The following TRAPPC8 variants were observed in gnomAD, a reference collection of about 807,000 sequenced individuals.
The protein encoded by TRAPPC8 is general sporulation gene 1 homolog.
TRAPPC8 carries 54 observed loss-of-function variants against 174.3 expected under a neutral mutation model. That is an observed-to-expected ratio of 0.31 (90% confidence interval 0.25 to 0.39). The LOEUF (loss-of-function observed/expected upper bound fraction) is 0.39. Among genes scored for constraint, TRAPPC8 ranks in the 10% least tolerant of loss-of-function variants. The probability of loss-of-function intolerance (pLI) is 1.00; values close to 1 mark genes in which losing one functional copy is unlikely to be tolerated. For synonymous variants in TRAPPC8, 630 were observed against 579.9 expected (o/e 1.09, Z -1.24); for missense variants, 1,531 against 1,699.1 (o/e 0.90, Z 1.74).
intron 25 of TRAPPC8, among the ~76,000 whole-genome samples, chr18:31,849,190 A>G (rs2033573083): frequency 1.3e-5 from 2 of 152,186 alleles, no homozygotes; most frequent in African/African-American, 4.8e-5. Context: ...TAAATGGATT[A>G]TATGAAATAT....
At chr18:31,925,188 G>A in intron 2 of TRAPPC8, among the ~76,000 whole-genome samples, 1 of 151,390 alleles carries the variant, frequency 6.6e-6, no homozygotes, top group East Asian at 1.9e-4. Flanking sequence ...CCAAAGATTT[G>A]AGGTAAGTGT....
intron 27 of TRAPPC8, among the ~76,000 whole-genome samples, chr18:31,832,928 T>A (rs1388315226): frequency 5.3e-5 from 8 of 152,192 alleles, no homozygotes. Context: ...TCATACACAT[T>A]AACTTTTAAA....
At chr18:31,932,168 G>A (rs1006310010) in intron 1 of TRAPPC8, among the ~76,000 whole-genome samples, 2 of 151,960 alleles carry the variant, frequency 1.3e-5, no homozygotes, top group African/African-American at 2.4e-5. Flanking sequence ...GGTGGCTCAC[G>A]CCTATAATCA....
intron 6 of TRAPPC8, 89 bp from the exon 7 acceptor site, chr18:31,909,099 C>G (rs546696100): frequency 8.5e-7 from 1 of 1,171,218 alleles, no homozygotes; most frequent in Non-Finnish European, 1.2e-6. Context: ...AAAAAAAAAG[C>G]AGAATGTTAA....
At chr18:31,837,271 T>C (rs561636911) in intron 27 of TRAPPC8, among the ~76,000 whole-genome samples, 1 of 151,926 alleles carries the variant, frequency 6.6e-6, no homozygotes, top group East Asian at 1.9e-4. Flanking sequence ...AATTCGCATA[T>C]GCTGCTATTG....
intron 11 of TRAPPC8, among the ~76,000 whole-genome samples, chr18:31,892,774 C>T (rs1305601204): frequency 6.6e-6 from 1 of 151,982 alleles, no homozygotes; most frequent in East Asian, 1.9e-4. Flanking sequence ...CCTGTAATTC[C>T]AGAACTTTGG....
At chr18:31,867,506 T>C (rs1416616154) in intron 16 of TRAPPC8, 30 bp from the exon 17 acceptor site, 1 of 1,389,006 alleles carries the variant, frequency 7.2e-7, no homozygotes, top group Admixed American at 1.8e-5. Context: ...AATTATACAT[T>C]CCAATGAACA....
At chr18:31,906,072 G>A (rs1398727518) in intron 9 of TRAPPC8, among the ~76,000 whole-genome samples, 3 of 151,626 alleles carry the variant, frequency 2.0e-5, no homozygotes, top group Non-Finnish European at 2.9e-5. Context: ...TTCTATGAAA[G>A]GTTTTTAAAA....
In TRAPPC8 at chr18:31,867,267, C is replaced by T. The variant is rs143053055; in HGVS notation, c.2463+135G>A. The T allele has an allele frequency of 2.4e-5, 18 of 737,070 alleles. No homozygotes were observed. The African/African-American group carries it at 3.1e-4, about 13-fold the overall frequency. The allele number at this position is 737,070 out of a possible 1,614,324, so 45.7% of individuals were successfully genotyped here. On this transcript the variant is annotated intron_variant, in intron 17 of 28. Transcript: ENST00000283351. ...ACCACCAATTTCCTCCTGAGCAATT[C>T]CTATGTCCTAATCTTCCAAATTTTA...
intron 1 of TRAPPC8, among the ~76,000 whole-genome samples, chr18:31,932,895 T>C (rs943641701): frequency 4.1e-5 from 6 of 147,760 alleles, no homozygotes; most frequent in Non-Finnish European, 8.9e-5. Context: ...GGCAGGAGAA[T>C]CACTTGAATG....
intron 11 of TRAPPC8, 125 bp downstream of exon 11, chr18:31,897,661 A>G (rs1055083679): frequency 3.3e-6 from 2 of 610,636 alleles, no homozygotes; most frequent in Non-Finnish European, 5.0e-6. Context: ...CCATGTTGTA[A>G]ATTCCCAAAG....
At chr18:31,905,899 C>T (rs1046221469) in intron 9 of TRAPPC8, among the ~76,000 whole-genome samples, 2 of 152,050 alleles carry the variant, frequency 1.3e-5, no homozygotes, top group African/African-American at 4.8e-5. Context: ...TTTCTCATTA[C>T]AAATGCATAC....
chr18:31,861,189 G>A lies in TRAPPC8; in HGVS notation c.2746-3207C>T, dbSNP rs143326167. 1.4e-4 allele frequency among the ~76,000 whole-genome samples: 21 copies of A among 152,122 alleles called. No homozygotes were observed. The South Asian group carries it at 3.7e-3, about 27-fold the overall frequency. On this transcript the variant is annotated intron_variant, in intron 19 of 28. Coordinates refer to ENST00000283351, the MANE Select transcript of TRAPPC8 (RefSeq NM_014939.5). Reference sequence around the variant, plus strand: ...TTTTAAATTAAGGTAAAATGTTTAGGGTATGGATCTACTGATTTTTTTGTT... The same window carrying A: ...TTTTAAATTAAGGTAAAATGTTTAGAGTATGGATCTACTGATTTTTTTGTT...
intron 6 of TRAPPC8, 143 bp from the exon 7 acceptor site, chr18:31,909,153 G>T: frequency 1.4e-6 from 1 of 713,704 alleles, no homozygotes; most frequent in Non-Finnish European, 2.0e-6. Context: ...AGATAAAACA[G>T]CAGTAACATC....
chr18:31,876,511 A>AAAAAAAAAAAAAAAC (rs1568076700), intron 12 of TRAPPC8, among the ~76,000 whole-genome samples: 1 of 149,660 alleles, frequency 6.7e-6, no homozygotes, highest in Non-Finnish European at 1.5e-5. Context: ...AAAAAAAAAA[A>AAAAAAAAAAAAAAAC]AGATCACTTA....
At chr18:31,872,072 T>A (rs981280556) in intron 14 of TRAPPC8, among the ~76,000 whole-genome samples, 13 of 152,154 alleles carry the variant, frequency 8.5e-5, no homozygotes, top group Non-Finnish European at 1.5e-4. Context: ...CGTGTAGCCA[T>A]CACCCAAATA....
intron 10 of TRAPPC8, among the ~76,000 whole-genome samples, chr18:31,900,713 T>TA (rs1212925576): frequency 6.6e-6 from 1 of 152,200 alleles, no homozygotes; most frequent in Non-Finnish European, 1.5e-5. Context: ...ATGTAACATA[T>TA]AATCTCAACA....
At chr18:31,914,215 A>G (rs545488041) in intron 4 of TRAPPC8, among the ~76,000 whole-genome samples, 1 of 152,188 alleles carries the variant, frequency 6.6e-6, no homozygotes, top group East Asian at 1.9e-4. Flanking sequence ...GTAAATACTA[A>G]TACTATGTAA....
chr18:31,842,959 TTACA>T (rs1169101136), intron 26 of TRAPPC8, among the ~76,000 whole-genome samples: 9 of 152,310 alleles, frequency 5.9e-5, no homozygotes, highest in South Asian at 2.1e-4. Context: ...CTCTGATCCA[TTACA>T]TAGTTTTTTT....
Sources: gnomAD v4.1 joint callset for allele counts (sites outside exome capture counted in the v4.1 genomes callset) on GRCh38, gnomAD v4.1.1 for gene constraint, MANE v1.5 for transcripts, NCBI Gene and HGNC (gene_info 2026-07-23, HGNC 2026-07-21) for gene names.